SNTG2: variants seen among roughly 807,000 people sequenced by gnomAD.
The protein encoded by SNTG2 is syntrophin gamma 2.
SNTG2 carries 74 observed loss-of-function variants against 70.9 expected under a neutral mutation model. That is an observed-to-expected ratio of 1.04 (90% CI 0.86 to 1.27). The LOEUF is 1.27. Ranked by LOEUF, SNTG2 falls within the 50% of genes most tolerant of loss-of-function variation. The probability of loss-of-function intolerance (pLI) is 0.00; values close to 1 mark genes in which losing one functional copy is unlikely to be tolerated. For synonymous variants in SNTG2, 278 were observed against 273.8 expected, an observed-to-expected ratio of 1.02 and a Z score of -0.15; for missense variants, 717 against 690.7, an observed-to-expected ratio of 1.04 and a Z score of -0.43.
intron 16 of SNTG2, among the ~76,000 whole-genome samples, chr2:1,323,329 G>T (rs1199146336): frequency 6.6e-6 from 1 of 152,228 alleles, no homozygotes; most frequent in East Asian, 1.9e-4. Flanking sequence ...GTTTCATCAT[G>T]AAAGTGGGTG....
chr2:1,224,032 C>G (rs1427223406), intron 9 of SNTG2, among the ~76,000 whole-genome samples: 1 of 151,768 alleles, frequency 6.6e-6, no homozygotes, highest in Non-Finnish European at 1.5e-5. Context: ...AGGGCCTGTC[C>G]TGCATTGCAG....
At chr2:966,232 T>A (rs13422351) in intron 1 of SNTG2, among the ~76,000 whole-genome samples, 63,810 of 151,870 alleles carry the variant, frequency 0.42, 13,955 homozygotes, top group Middle Eastern at 0.52. Flanking sequence ...TTGATATTTT[T>A]AAAATGTTTG....
intron 2 of SNTG2, among the ~76,000 whole-genome samples, chr2:1,090,175 T>A (rs892457536): frequency 6.6e-6 from 1 of 152,246 alleles, no homozygotes; most frequent in Non-Finnish European, 1.5e-5. Flanking sequence ...TCCATGTAGA[T>A]CTACTTAGTC....
chr2:1,321,224 G>A (rs1681506426), intron 16 of SNTG2, among the ~76,000 whole-genome samples: 1 of 152,174 alleles, frequency 6.6e-6, no homozygotes, highest in Non-Finnish European at 1.5e-5. Context: ...ACTCCATGCA[G>A]ATGCATACAG....
intron 4 of SNTG2, among the ~76,000 whole-genome samples, chr2:1,109,251 T>A (rs1341900514): frequency 1.3e-5 from 2 of 152,096 alleles, no homozygotes; most frequent in Non-Finnish European, 2.9e-5. Context: ...TCATACTTAA[T>A]GAAATGAGGA....
chr2:1,239,339 C>T (rs1676898896), intron 10 of SNTG2, among the ~76,000 whole-genome samples: 1 of 152,174 alleles, frequency 6.6e-6, no homozygotes, highest in Non-Finnish European at 1.5e-5. Flanking sequence ...CAACATCTAC[C>T]TCCATAGGTC....
chr2:1,197,107 C>T (rs1489713659), intron 8 of SNTG2, among the ~76,000 whole-genome samples: 2 of 152,054 alleles, frequency 1.3e-5, no homozygotes, highest in African/African-American at 4.8e-5. Context: ...GGAATAAGTC[C>T]TCACCTATCA....
chr2:1,097,135 T>A lies in SNTG2; in HGVS notation c.211-1061T>A. Among the ~76,000 whole-genome samples, 1 of 152,240 alleles carries A rather than the reference T, an allele frequency of 6.6e-6. No individual in the cohort carries two copies. Among genetic ancestry groups the A allele is most frequent in the East Asian group, 1.9e-4 (1 of 5,202 alleles). ...CACTTTAACACAGGTATATTTGCTCTAATTTTTGGTTTCTTTCCTTTGAGT... is the reference window on the plus strand; with the variant it reads ...CACTTTAACACAGGTATATTTGCTCAAATTTTTGGTTTCTTTCCTTTGAGT... On this transcript the variant is annotated intron_variant, in intron 2 of 16. Coordinates refer to ENST00000308624, the MANE Select transcript of SNTG2 (RefSeq NM_018968.4). This position sits in a 1 kb window ranked among gnomAD's most constrained non-coding sequence, Gnocchi z 4.1.
intron 11 of SNTG2, among the ~76,000 whole-genome samples, chr2:1,241,554 G>GT (rs35834170): frequency 0.32 from 48,386 of 151,982 alleles, 9,213 homozygotes; most frequent in African/African-American, 0.54. Context: ...CATGTACCAT[G>GT]TGGTGCGCTG....
intron 1 of SNTG2, among the ~76,000 whole-genome samples, chr2:1,019,063 G>A (rs1455133997): frequency 1.3e-5 from 2 of 152,234 alleles, no homozygotes; most frequent in South Asian, 2.1e-4. Context: ...TCAGCTCTTC[G>A]AGCAGGTGCT....
At chr2:965,570 C>T (rs1660531597) in intron 1 of SNTG2, among the ~76,000 whole-genome samples, 2 of 150,540 alleles carry the variant, frequency 1.3e-5, no homozygotes, top group African/African-American at 2.5e-5. Context: ...CTTCTGTGGT[C>T]CCCTCCTCCT....
chr2:1,019,775 G>C (rs548429590), intron 1 of SNTG2, among the ~76,000 whole-genome samples: 2 of 152,280 alleles, frequency 1.3e-5, no homozygotes, highest in South Asian at 2.1e-4. Flanking sequence ...GAGGCCAGGC[G>C]TGGTGGCTCA....
At chr2:1,262,437 C>T (rs1678461967) in intron 13 of SNTG2, among the ~76,000 whole-genome samples, 1 of 152,226 alleles carries the variant, frequency 6.6e-6, no homozygotes. Flanking sequence ...AAAGACAGTC[C>T]TGGGTTGTAC....
chr2:1,121,910 TAAA>T lies in SNTG2; in HGVS notation c.326-15707_326-15705del, dbSNP rs140392408. ...CTAAGAAACAGAAGTTTCAAATAAA[TAAA>T]AAAAGTGAAGGCATTACCATGGACA... On this transcript the variant is annotated intron_variant, in intron 4 of 16. Coordinates refer to ENST00000308624, the MANE Select transcript of SNTG2 (RefSeq NM_018968.4). 3.9e-3 allele frequency among the ~76,000 whole-genome samples: 589 copies of T among 151,698 alleles called. 27 individuals carry two copies. In the East Asian group the frequency reaches 0.1, roughly 26 times the overall value.
At chr2:1,278,474 G>A (rs1244465382) in intron 14 of SNTG2, among the ~76,000 whole-genome samples, 1 of 152,210 alleles carries the variant, frequency 6.6e-6, no homozygotes, top group Non-Finnish European at 1.5e-5. Context: ...TGTTTATGGA[G>A]GACAGGAGGT....
intron 8 of SNTG2, among the ~76,000 whole-genome samples, chr2:1,178,781 C>T (rs1162734437): frequency 6.6e-6 from 1 of 152,204 alleles, no homozygotes; most frequent in African/African-American, 2.4e-5. Flanking sequence ...TGTTGTGTCT[C>T]TGCCAGGCTT....
intron 1 of SNTG2, among the ~76,000 whole-genome samples, chr2:991,174 G>A (rs745573739): frequency 6.6e-6 from 1 of 152,092 alleles, no homozygotes; most frequent in Non-Finnish European, 1.5e-5. Context: ...AAACCAGATG[G>A]CAATTGTGTT....
intron 9 of SNTG2, among the ~76,000 whole-genome samples, chr2:1,215,205 A>G (rs756246252): frequency 3.3e-5 from 5 of 152,100 alleles, no homozygotes; most frequent in Non-Finnish European, 7.4e-5. Context: ...TGTTTCTTGT[A>G]AGGTTCTCAT....
chr2:954,638 T>C (rs1333317001), intron 1 of SNTG2, among the ~76,000 whole-genome samples: 1 of 152,174 alleles, frequency 6.6e-6, no homozygotes, highest in Non-Finnish European at 1.5e-5. Flanking sequence ...TTATCCTTCC[T>C]ATTTCTGTAT....
Sources: gnomAD v4.1 joint callset for allele counts (sites outside exome capture counted in the v4.1 genomes callset) on GRCh38, gnomAD v4.1.1 for gene constraint, Gnocchi (gnomAD v3.1) non-coding constraint, MANE v1.5 for transcripts, NCBI Gene and HGNC (gene_info 2026-07-23, HGNC 2026-07-21) for gene names.